The following CDYL2 variants were observed in gnomAD, a reference collection of about 807,000 sequenced individuals.
CDYL2 encodes the protein chromodomain Y like 2, also known as chromodomain Y-like protein 2.
In CDYL2, 23 loss-of-function variants were observed where a neutral mutation model predicts 49.4. That is an observed-to-expected ratio of 0.47 (90% CI 0.34 to 0.66). The LOEUF is 0.66. Among genes scored for constraint, CDYL2 ranks in the 30% least tolerant of loss-of-function variants. The pLI, the probability that CDYL2 is intolerant of heterozygous loss-of-function variation, is 0.01. For missense variants in CDYL2, 678 were observed against 656.4 expected (o/e 1.03, Z -0.36); for synonymous variants, 360 against 268.8 (o/e 1.34, Z -3.32).
chr16:80,788,865 C>G (rs745425724), intron 1 of CDYL2, among the ~76,000 whole-genome samples: 1 of 152,022 alleles, frequency 6.6e-6, no homozygotes, highest in Non-Finnish European at 1.5e-5. Flanking sequence ...AGGACTAATA[C>G]CCAGAATCTA....
intron 1 of CDYL2, among the ~76,000 whole-genome samples, chr16:80,791,469 A>C (rs116213437): frequency 2.0e-5 from 3 of 152,242 alleles, no homozygotes; most frequent in African/African-American, 7.2e-5. Flanking sequence ...TTTAGAAAAT[A>C]AGATACTACA....
intron 1 of CDYL2, among the ~76,000 whole-genome samples, chr16:80,787,533 G>A (rs1907476868): frequency 6.6e-6 from 1 of 152,154 alleles, no homozygotes; most frequent in African/African-American, 2.4e-5. Flanking sequence ...CAACAGAAGT[G>A]TCAGGTCACC....
At chr16:80,690,853 C>T (rs1025264572) in intron 1 of CDYL2, among the ~76,000 whole-genome samples, 2 of 152,198 alleles carry the variant, frequency 1.3e-5, no homozygotes, top group African/African-American at 4.8e-5. Context: ...CAAATGGAAA[C>T]AGACTCATCA....
At chr16:80,738,787 A>G (rs1905630664) in intron 1 of CDYL2, 1 of 152,258 alleles carries the variant, frequency 6.6e-6, no homozygotes, top group Non-Finnish European at 1.5e-5. Context: ...CAGTTAAGCT[A>G]TTTTTTAAAG....
At chr16:80,757,665 T>C (rs1228492548) in intron 1 of CDYL2, among the ~76,000 whole-genome samples, 1 of 151,850 alleles carries the variant, frequency 6.6e-6, no homozygotes, top group Non-Finnish European at 1.5e-5. Flanking sequence ...TTTGACATTT[T>C]ATATATTTAA....
intron 2 of CDYL2, among the ~76,000 whole-genome samples, chr16:80,657,238 G>A (rs1908851665): frequency 6.6e-6 from 1 of 152,122 alleles, no homozygotes. Flanking sequence ...CATTTCAAAT[G>A]CTCAGATGCA....
intron 1 of CDYL2, among the ~76,000 whole-genome samples, chr16:80,745,135 C>A (rs1005467302): frequency 6.6e-6 from 1 of 152,194 alleles, no homozygotes; most frequent in African/African-American, 2.4e-5. Flanking sequence ...GCTGCTAGCA[C>A]CCTGCAAGTT....
At chr16:80,760,548 T>C (rs754420488) in intron 1 of CDYL2, among the ~76,000 whole-genome samples, 7 of 152,182 alleles carry the variant, frequency 4.6e-5, no homozygotes, top group African/African-American at 7.2e-5. Flanking sequence ...TTGTCCATGA[T>C]GTAATGATTA....
intron 1 of CDYL2, among the ~76,000 whole-genome samples, chr16:80,785,538 C>T (rs926644505): frequency 6.6e-5 from 10 of 152,064 alleles, no homozygotes; most frequent in African/African-American, 1.2e-4. Flanking sequence ...CCTTACTGCC[C>T]GAAGTAATTT....
At chr16:80,623,624 T>A (rs1301569462) in intron 3 of CDYL2, among the ~76,000 whole-genome samples, 1 of 152,180 alleles carries the variant, frequency 6.6e-6, no homozygotes, top group Non-Finnish European at 1.5e-5. Context: ...ATGCATGTTA[T>A]TGTTTGAGAA....
At chr16:80,798,047 T>C (rs1002987586) in intron 1 of CDYL2, among the ~76,000 whole-genome samples, 8 of 152,156 alleles carry the variant, frequency 5.3e-5, no homozygotes, top group Non-Finnish European at 7.4e-5. Flanking sequence ...TTGTTTTTTG[T>C]TTTTTGCTTT....
At chr16:80,714,562 T>C (rs946734738) in intron 1 of CDYL2, among the ~76,000 whole-genome samples, 1 of 152,168 alleles carries the variant, frequency 6.6e-6, no homozygotes, top group African/African-American at 2.4e-5. Flanking sequence ...ATATCTGTTG[T>C]TGTGTCTCCT....
intron 4 of CDYL2, among the ~76,000 whole-genome samples, chr16:80,620,118 T>G (rs1212194209): frequency 6.6e-6 from 1 of 152,244 alleles, no homozygotes; most frequent in Non-Finnish European, 1.5e-5. Context: ...ACAGCCGTAG[T>G]GTCTAGAAAT....
At chr16:80,609,019 C>T (rs541415500) in intron 5 of CDYL2, among the ~76,000 whole-genome samples, 6 of 152,300 alleles carry the variant, frequency 3.9e-5, no homozygotes, top group African/African-American at 1.2e-4. Context: ...TCTCTCCAAG[C>T]AGCTCAGGGC....
intron 1 of CDYL2, among the ~76,000 whole-genome samples, chr16:80,794,801 C>G (rs998367828): frequency 6.6e-6 from 1 of 151,780 alleles, no homozygotes. Flanking sequence ...TTAGTAGAGA[C>G]AGAGTTTCTC....
At chr16:80,656,751 C>A (rs138042732) in intron 2 of CDYL2, among the ~76,000 whole-genome samples, 1 of 152,102 alleles carries the variant, frequency 6.6e-6, no homozygotes, top group Admixed American at 6.6e-5. Context: ...GGCTCACAAA[C>A]GAGATAATCA....
chr16:80,684,311 G>A (rs1910086747), intron 2 of CDYL2, among the ~76,000 whole-genome samples: 1 of 152,170 alleles, frequency 6.6e-6, no homozygotes, highest in Non-Finnish European at 1.5e-5. Flanking sequence ...CCAGACCTTG[G>A]CTGGAGCATC....
intron 2 of CDYL2, among the ~76,000 whole-genome samples, chr16:80,642,065 T>TACA (rs1908119213): frequency 1.3e-5 from 2 of 152,120 alleles, no homozygotes; most frequent in Admixed American, 1.3e-4. Flanking sequence ...AAATAATAAC[T>TACA]ACAACAACTC....
At chr16:80,725,234 A>G (rs1330972818) in intron 1 of CDYL2, among the ~76,000 whole-genome samples, 1 of 151,686 alleles carries the variant, frequency 6.6e-6, no homozygotes, top group Non-Finnish European at 1.5e-5. Flanking sequence ...TGCCTCACCA[A>G]CATCTATTCA....
Sources: allele counts gnomAD v4.1 joint callset (sites outside exome capture counted in the v4.1 genomes callset), GRCh38; gene constraint gnomAD v4.1.1; transcripts MANE v1.5; gene names NCBI Gene and HGNC (gene_info 2026-07-23, HGNC 2026-07-21).